Variants in DPYD observed in about 807,000 individuals in gnomAD.
The protein encoded by DPYD is dihydropyrimidine dehydrogenase, also known as dihydropyrimidine dehydrogenase [NADP(+)].
A neutral mutation model predicts 116.2 loss-of-function variants in DPYD; 109 were observed. The ratio of observed to expected loss-of-function variants is 0.94; its 90% confidence interval spans 0.80 to 1.10. The LOEUF is 1.10. DPYD is among the 50% of genes least tolerant of loss of function. The pLI, the probability that DPYD is intolerant of heterozygous loss-of-function variation, is 0.00. For missense variants in DPYD, 1,302 were observed against 1,254.5 expected (o/e 1.04, Z -0.57); for synonymous variants, 440 against 432.0 (o/e 1.02, Z -0.23).
intron 8 of DPYD, among the ~76,000 whole-genome samples, chr1:97,638,207 G>A (rs1657678857): frequency 6.6e-6 from 1 of 152,104 alleles, no homozygotes; most frequent in Non-Finnish European, 1.5e-5. Flanking sequence ...TACATACAGT[G>A]AGGGTAAAAA....
In DPYD at chr1:97,211,140, A is replaced by C. The variant is rs145019886; in HGVS notation, c.2443-17892T>G. Among the ~76,000 whole-genome samples the C allele has an allele frequency of 1.4e-4, 21 of 152,318 alleles. No individual in the cohort carries two copies. In the East Asian group the frequency reaches 4.1e-3, roughly 29 times the overall value. On this transcript the variant is annotated intron_variant, in intron 19 of 22. Transcript: ENST00000370192. The stretch of plus-strand genomic sequence containing the variant: ...GCAAAAATGGGAACACTTTCTACAA[A>C]GTACTGCATGATCTGGTCCTGCCTC...
intron 3 of DPYD, among the ~76,000 whole-genome samples, chr1:97,767,994 T>C (rs1221833470): frequency 1.3e-5 from 2 of 152,102 alleles, no homozygotes; most frequent in Non-Finnish European, 2.9e-5. Flanking sequence ...AATCCACTAC[T>C]GCAATAGAAG....
chr1:97,693,930 G>A (rs1176101231), intron 6 of DPYD, among the ~76,000 whole-genome samples: 2 of 152,160 alleles, frequency 1.3e-5, no homozygotes, highest in African/African-American at 2.4e-5. Context: ...GTTATAAAAA[G>A]CAGGGACAAC....
intron 4 of DPYD, among the ~76,000 whole-genome samples, chr1:97,723,563 C>G (rs1000431220): frequency 1.3e-5 from 2 of 151,480 alleles, no homozygotes; most frequent in Non-Finnish European, 3.0e-5. Flanking sequence ...GTTTTTATTA[C>G]ATAGTTCTTT....
At chr1:97,281,630 G>A (rs2100936117) in intron 18 of DPYD, among the ~76,000 whole-genome samples, 1 of 152,038 alleles carries the variant, frequency 6.6e-6, no homozygotes, top group East Asian at 1.9e-4. Flanking sequence ...AAGTTTCTCA[G>A]AATGCTTAGA....
At chr1:97,111,846 A>C (rs1244866898) in intron 20 of DPYD, among the ~76,000 whole-genome samples, 1 of 152,052 alleles carries the variant, frequency 6.6e-6, no homozygotes, top group Non-Finnish European at 1.5e-5. Context: ...TTGGCTTCCA[A>C]TTCTGGCTCC....
intron 2 of DPYD, among the ~76,000 whole-genome samples, chr1:97,834,017 A>G (rs1323293986): frequency 6.6e-6 from 1 of 152,110 alleles, no homozygotes; most frequent in Non-Finnish European, 1.5e-5. Flanking sequence ...CCTGAAGCCC[A>G]TCTATGGCCC....
chr1:97,474,984 T>C (rs1249600993), intron 13 of DPYD, among the ~76,000 whole-genome samples: 1 of 151,968 alleles, frequency 6.6e-6, no homozygotes, highest in African/African-American at 2.4e-5. Flanking sequence ...AGAACACAGG[T>C]CAATAATATA....
chr1:97,772,666 T>C (rs1234483270), intron 3 of DPYD, among the ~76,000 whole-genome samples: 2 of 152,184 alleles, frequency 1.3e-5, no homozygotes, highest in Admixed American at 6.5e-5. Context: ...AGCCAAAGCA[T>C]ATTCAGTATA....
chr1:97,301,585 T>G (rs2101023471), intron 18 of DPYD, among the ~76,000 whole-genome samples: 1 of 152,020 alleles, frequency 6.6e-6, no homozygotes, highest in African/African-American at 2.4e-5. Flanking sequence ...TCATTCCCCA[T>G]TAATAAAAAA....
chr1:97,272,420 A>G (rs1299418414), intron 18 of DPYD, among the ~76,000 whole-genome samples: 1 of 152,176 alleles, frequency 6.6e-6, no homozygotes, highest in Non-Finnish European at 1.5e-5. Context: ...CCTGACAAAT[A>G]CTAAAATAGA....
At chr1:97,391,817 T>C (rs1233106820) in intron 14 of DPYD, among the ~76,000 whole-genome samples, 1 of 152,074 alleles carries the variant, frequency 6.6e-6, no homozygotes, top group Non-Finnish European at 1.5e-5. Flanking sequence ...TACAAGACCA[T>C]AGTGCAACTT....
At chr1:97,711,818 T>C (rs1662303327) in intron 5 of DPYD, among the ~76,000 whole-genome samples, 1 of 152,008 alleles carries the variant, frequency 6.6e-6, no homozygotes, top group East Asian at 1.9e-4. Context: ...TTTTACATCT[T>C]TATTTTTAAA....
rs180898706 is a variant in DPYD at position 97,318,628 on chromosome 1, A to C, written c.2059-12331T>G. On this transcript the variant is annotated intron_variant, in intron 16 of 22. Coordinates refer to ENST00000370192, the MANE Select transcript of DPYD (RefSeq NM_000110.4). ...GAGACTTAGACTCCCACACATTAAT[A>C]ATGAGACACTTTAACACCCCACTGT... Among the ~76,000 whole-genome samples, 702 of 152,046 alleles carry C rather than the reference A, an allele frequency of 4.6e-3. 10 individuals carry two copies. The highest frequency in any genetic ancestry group is 0.016 in the African/African-American group (653 of 41,482).
At chr1:97,394,164 T>G (rs1261114733) in intron 14 of DPYD, 1 of 152,140 alleles carries the variant, frequency 6.6e-6, no homozygotes, top group Non-Finnish European at 1.5e-5. Context: ...GTAAATTTGT[T>G]TAAGTTCTTT....
chr1:97,842,476 C>A (rs1334103896), intron 2 of DPYD, among the ~76,000 whole-genome samples: 1 of 151,930 alleles, frequency 6.6e-6, no homozygotes, highest in East Asian at 1.9e-4. Flanking sequence ...TTATTTCTAT[C>A]AGAAGACATT....
chr1:97,082,823 C>T (rs1275375464), intron 21 of DPYD, among the ~76,000 whole-genome samples: 1 of 151,886 alleles, frequency 6.6e-6, no homozygotes, highest in Non-Finnish European at 1.5e-5. Context: ...CCTTGAAGGA[C>T]CAAAAGTAAT....
At chr1:97,447,878 A>G (rs557619057) in intron 14 of DPYD, among the ~76,000 whole-genome samples, 4 of 152,188 alleles carry the variant, frequency 2.6e-5, no homozygotes, top group Admixed American at 2.6e-4. Context: ...GCTTATCTAG[A>G]TACTATTGAA....
intron 20 of DPYD, among the ~76,000 whole-genome samples, chr1:97,143,295 G>A (rs183677105): frequency 2.2e-4 from 33 of 152,154 alleles, no homozygotes; most frequent in Admixed American, 2.2e-3. Flanking sequence ...GAATCCTGTA[G>A]GGCATCTTGA....
Sources: gnomAD v4.1 joint callset for allele counts (sites outside exome capture counted in the v4.1 genomes callset) on GRCh38, gnomAD v4.1.1 for gene constraint, MANE v1.5 for transcripts, NCBI Gene and HGNC (gene_info 2026-07-23, HGNC 2026-07-21) for gene names.